SLC39A12: variants seen among roughly 807,000 people sequenced by gnomAD.
SLC39A12 encodes solute carrier family 39 member 12.
Under a neutral mutation model 71.1 loss-of-function variants are expected in SLC39A12, and 63 were observed. The ratio of observed to expected loss-of-function variants is 0.89; its 90% CI spans 0.72 to 1.09. The LOEUF (loss-of-function observed/expected upper bound fraction) is 1.09. Among genes scored for constraint, SLC39A12 ranks in the 50% least tolerant of loss-of-function variants. The probability of loss-of-function intolerance (pLI) is 0.00; values close to 1 mark genes in which losing one functional copy is unlikely to be tolerated. For missense variants in SLC39A12, 892 were observed against 812.6 expected (o/e 1.10, Z -1.19); for synonymous variants, 351 against 301.3 (o/e 1.16, Z -1.71).
At chr10:17,999,689 A>G (rs1345503596) in intron 10 of SLC39A12, among the ~76,000 whole-genome samples, 2 of 152,154 alleles carry the variant, frequency 1.3e-5, no homozygotes, top group Non-Finnish European at 2.9e-5. Flanking sequence ...GCTTCTCTTT[A>G]TTTTGTTCAA....
intron 12 of SLC39A12, among the ~76,000 whole-genome samples, chr10:18,019,599 AT>A (rs777775794): frequency 3.0e-4 from 46 of 151,912 alleles, no homozygotes; most frequent in Non-Finnish European, 6.0e-4. Flanking sequence ...ATTTTGATAA[AT>A]TTTATTTTTA....
At chr10:18,020,737 T>A (rs1836511147) in intron 12 of SLC39A12, among the ~76,000 whole-genome samples, 1 of 152,204 alleles carries the variant, frequency 6.6e-6, no homozygotes. Context: ...AGAGCATTTT[T>A]TCATATGCTT....
At chr10:17,954,447 G>A (rs1834487431) in intron 2 of SLC39A12, among the ~76,000 whole-genome samples, 1 of 152,010 alleles carries the variant, frequency 6.6e-6, no homozygotes, top group African/African-American at 2.4e-5. Flanking sequence ...GTAGAGATGG[G>A]GTTTCACCAT....
intron 7 of SLC39A12, 131 bp from the exon 8 acceptor site, chr10:17,991,020 A>G: frequency 3.3e-6 from 3 of 903,964 alleles, no homozygotes; most frequent in Non-Finnish European, 4.7e-6. Context: ...TGATTGTATT[A>G]ATAGTTGTCA....
At chr10:17,989,015 C>A (rs1446214657) in intron 7 of SLC39A12, among the ~76,000 whole-genome samples, 2 of 152,302 alleles carry the variant, frequency 1.3e-5, no homozygotes, top group East Asian at 3.9e-4. Flanking sequence ...CTAACAGTGT[C>A]TAGATTTCTC....
intron 12 of SLC39A12, among the ~76,000 whole-genome samples, chr10:18,039,813 G>A (rs1241284853): frequency 6.6e-6 from 1 of 152,174 alleles, no homozygotes; most frequent in Non-Finnish European, 1.5e-5. Context: ...AGCTCTTTGA[G>A]AACAAATACT....
intron 9 of SLC39A12, among the ~76,000 whole-genome samples, chr10:17,995,072 G>A (rs1278294161): frequency 6.6e-6 from 1 of 152,108 alleles, no homozygotes; most frequent in Non-Finnish European, 1.5e-5. Context: ...CATATAAAAG[G>A]ATTAAAAAAT....
intron 12 of SLC39A12, among the ~76,000 whole-genome samples, chr10:18,003,648 A>C (rs769803185): frequency 1.3e-5 from 2 of 152,190 alleles, no homozygotes; most frequent in Non-Finnish European, 2.9e-5. Flanking sequence ...AAAGAATGAA[A>C]TGTTCATAAT....
Position 18,034,833 on chromosome 10 carries a change from G to A in SLC39A12, c.1948-7872G>A, listed in dbSNP as rs1836952808. 2.0e-5 allele frequency among the ~76,000 whole-genome samples: 3 copies of A among 148,276 alleles called. No homozygotes were observed. The East Asian group carries it at 6.0e-4, about 29-fold the overall frequency. ...GCGCTTCCTTCAGGAGCTCTTTTAG[G>A]GCAGGCCTGGTGGTGACAAAATCTC... On this transcript the variant is annotated intron_variant, in intron 12 of 12. Transcript: ENST00000377369.
At position 17,953,286 on chromosome 10, in the gene SLC39A12, C is replaced by T. The variant is rs782725317; in HGVS notation, c.10C>T (p.Arg4Trp). Residue 4 changes from arginine (R) to tryptophan (W), a missense_variant, in exon 2 of 13, where the codon CGG (arginine) becomes TGG (tryptophan). Physicochemically the swap from Arg to Trp is moderately radical, Grantham distance 101 (BLOSUM62 -3). Transcript: ENST00000377369. MCF[R>W]TKLSVSWVPL... ...TGGAGGAAGCGTGGAAATGTGCTTCCGGACAAAGCTCTCAGTATCCTGGGT... is the reference window on the plus strand; with the variant it reads ...TGGAGGAAGCGTGGAAATGTGCTTCTGGACAAAGCTCTCAGTATCCTGGGT... 29 of 1,613,834 alleles carry T rather than the reference C, an allele frequency of 1.8e-5. No individual in the cohort carries two copies. Among genetic ancestry groups the T allele is most frequent in the Middle Eastern group, 1.6e-4 (1 of 6,084 alleles).
At chr10:18,013,064 A>T (rs1836274358) in intron 12 of SLC39A12, among the ~76,000 whole-genome samples, 1 of 151,858 alleles carries the variant, frequency 6.6e-6, no homozygotes, top group Non-Finnish European at 1.5e-5. Context: ...TCTTATTATC[A>T]CATAGGTTCT....
chr10:18,037,748 G>T lies in SLC39A12; in HGVS notation c.1948-4957G>T, dbSNP rs571235787. ...CTGCTAGAAGGCACAGCTAGGCCAG[G>T]TGCAGGGGCTCACACCTGTAATCCC... On this transcript the variant is annotated intron_variant, in intron 12 of 12. Transcript: ENST00000377369. Among the ~76,000 whole-genome samples, 6 of 152,222 alleles carry T rather than the reference G, an allele frequency of 3.9e-5. No individual in the cohort carries two copies. In the South Asian group the frequency reaches 1.2e-3, roughly 32 times the overall value.
At chr10:17,996,854 A>G (rs1194133181) in intron 10 of SLC39A12, among the ~76,000 whole-genome samples, 1 of 151,824 alleles carries the variant, frequency 6.6e-6, no homozygotes, top group Non-Finnish European at 1.5e-5. Flanking sequence ...AAAAATTAGC[A>G]GGGCGTAGTG....
At chr10:18,032,578 A>G (rs1339656819) in intron 12 of SLC39A12, among the ~76,000 whole-genome samples, 2 of 147,578 alleles carry the variant, frequency 1.4e-5, no homozygotes, top group Non-Finnish European at 3.0e-5. Context: ...CTAGATATAC[A>G]ATCATGTCAT....
intron 12 of SLC39A12, among the ~76,000 whole-genome samples, chr10:18,035,072 C>G (rs1191954055): frequency 7.0e-6 from 1 of 143,354 alleles, no homozygotes; most frequent in Non-Finnish European, 1.5e-5. Context: ...TCTCTGGCTG[C>G]CCTTAACATT....
At chr10:17,964,481 C>T (rs1029312824) in intron 3 of SLC39A12, among the ~76,000 whole-genome samples, 2 of 152,180 alleles carry the variant, frequency 1.3e-5, no homozygotes, top group Non-Finnish European at 2.9e-5. Flanking sequence ...TTATTTTCTC[C>T]TTCACTTCAT....
chr10:17,972,917 C>T (rs1345414811), intron 4 of SLC39A12, among the ~76,000 whole-genome samples: 1 of 151,652 alleles, frequency 6.6e-6, no homozygotes, highest in Non-Finnish European at 1.5e-5. Context: ...ATTTTCTTTC[C>T]TTTCTGTCTT....
chr10:18,036,183 C>G (rs2497783), intron 12 of SLC39A12, among the ~76,000 whole-genome samples: 88,767 of 152,148 alleles, frequency 0.58, 26,924 homozygotes, highest in Non-Finnish European at 0.68. Flanking sequence ...CACCCAGTTC[C>G]AGCTTCAGGG....
At chr10:18,011,463 G>T (rs564403625) in intron 12 of SLC39A12, among the ~76,000 whole-genome samples, 1 of 152,166 alleles carries the variant, frequency 6.6e-6, no homozygotes, top group Non-Finnish European at 1.5e-5. Flanking sequence ...ATAATACACA[G>T]AGCATATAAA....
Sources: allele counts gnomAD v4.1 joint callset (sites outside exome capture counted in the v4.1 genomes callset), GRCh38; gene constraint gnomAD v4.1.1; transcripts MANE v1.5; gene names NCBI Gene and HGNC (gene_info 2026-07-23, HGNC 2026-07-21).